The following C15orf40 variants were observed in gnomAD, a reference collection of about 807,000 sequenced individuals.
C15orf40 encodes the protein UPF0235 protein C15orf40.
In C15orf40, 9 loss-of-function variants were observed where a neutral mutation model predicts 13.9. That is an observed-to-expected ratio of 0.65 (90% CI 0.39 to 1.13). The LOEUF is 1.13. C15orf40 is among the 50% of genes most tolerant of loss of function. The pLI is 0.01. For missense variants in C15orf40, 225 were observed against 188.5 expected, an observed-to-expected ratio of 1.19 and a Z score of -1.13; for synonymous variants, 95 against 69.2, an observed-to-expected ratio of 1.37 and a Z score of -1.85.
chr15:83,008,819 C>G (rs2031843235), intron 2 of C15orf40, 144 bp from the exon 3 acceptor site: 2 of 922,240 alleles, frequency 2.2e-6, no homozygotes, highest in Non-Finnish European at 3.2e-6. Context: ...AATGATTAAA[C>G]TAATCACATT....
chr15:83,001,221 T>C lies in C15orf40; in HGVS notation c.*4376A>G, dbSNP rs773406535. On this transcript the variant is annotated 3_prime_UTR_variant, in exon 4 of 4. Transcript: ENST00000304177. ...ACAGAAATCAGAAGTCTGAAATCTC[T>C]GCTCCTGCCTCCAGGGCATAATGAG... 45 of 985,372 alleles carry C rather than the reference T, an allele frequency of 4.6e-5. No homozygotes were observed. Among genetic ancestry groups the C allele is most frequent in the Non-Finnish European group, 5.3e-5 (44 of 829,960 alleles). 61.0% of individuals were successfully genotyped at this position (985,372 alleles called of 1,614,324 possible).
At position 83,001,206 on chromosome 15, in the gene C15orf40, G is replaced by C. The variant is rs2031402372; in HGVS notation, c.*4391C>G. On this transcript the variant is annotated 3_prime_UTR_variant, in exon 4 of 4. Coordinates refer to ENST00000304177, the MANE Select transcript of C15orf40 (RefSeq NM_144597.3). ...AGTGTGGAATGGCTCACAGAAATCA[G>C]AAGTCTGAAATCTCTGCTCCTGCCT... 5.1e-6 allele frequency: 5 copies of C among 985,458 alleles called. No homozygotes were observed. The highest frequency in any genetic ancestry group is 6.0e-6 in the Non-Finnish European group (5 of 829,952). The allele number at this position is 985,458 out of a possible 1,614,324, so 61.0% of individuals were successfully genotyped here.
At chr15:82,989,880 G>A (rs1295957152), downstream of C15orf40, 2 of 1,612,806 alleles carry the variant, frequency 1.2e-6, no homozygotes, top group African/African-American at 2.7e-5. Context: ...TATTGTTGTA[G>A]GTTGCAAGAC....
At chr15:82,989,572 T>C (rs1021976657), downstream of C15orf40, among the ~76,000 whole-genome samples, 2 of 152,244 alleles carry the variant, frequency 1.3e-5, no homozygotes, top group Non-Finnish European at 2.9e-5. Flanking sequence ...TAATTCAAAA[T>C]AGTCAAAGGA....
At chr15:83,011,358 G>T in intron 1 of C15orf40, 139 bp downstream of exon 1, 1 of 944,738 alleles carries the variant, frequency 1.1e-6, no homozygotes, top group Non-Finnish European at 1.5e-6. Context: ...GGGTGGCGGC[G>T]GCTGTCCTGA....
Position 83,005,646 on chromosome 15 carries a change from G to A in C15orf40, c.413C>T (p.Thr138Ile). 6.2e-7 allele frequency: 1 copy of A among 1,612,532 alleles called. No individual in the cohort carries two copies. The highest frequency in any genetic ancestry group is 8.5e-7 in the Non-Finnish European group (1 of 1,179,390). Residue 138 changes from threonine to isoleucine, a missense_variant, in exon 4 of 4, where the codon ACT becomes ATT. Coordinates refer to ENST00000304177, the MANE Select transcript of C15orf40 (RefSeq NM_144597.3). ...TAATTTCTCCAAGATCTCTTCTGGA[G>A]TTGTAGAAGCCAAAAGCTTCACCAC... ...EKVVKLLASTTPEEILEKLKK... is the reference protein window; with the variant it reads ...EKVVKLLASTIPEEILEKLKK...
chr15:83,006,269 A>T, intron 3 of C15orf40: 1 of 642,552 alleles, frequency 1.6e-6, no homozygotes, highest in Non-Finnish European at 1.9e-6. Context: ...TTCTAGTCTC[A>T]AGCAATTAAG....
chr15:83,000,392 C>G lies in C15orf40; in HGVS notation c.*5205G>C, dbSNP rs998811699. 1.3e-5 allele frequency: 2 copies of G among 152,284 alleles called. No homozygotes were observed. Among genetic ancestry groups the G allele is most frequent in the African/African-American group, 4.8e-5 (2 of 41,422 alleles). 9.4% of individuals were successfully genotyped at this position (152,284 alleles called of 1,614,324 possible). On this transcript the variant is annotated 3_prime_UTR_variant, in exon 4 of 4. Coordinates refer to ENST00000304177, the MANE Select transcript of C15orf40 (RefSeq NM_144597.3). ...ACTCCACCATGGCAATGGGCTGAGA[C>G]TCTCACGAACCCAGCTGGCCCCAAG...
rs921806753 is a variant in C15orf40, at chr15:83,005,531, A to C, written c.*66T>G. The stretch of plus-strand genomic sequence containing the variant: ...ACTCCTGACCTCAGGTGATCCGCCC[A>C]CCACGGCCTCCCAAAGTGCTGGGAT... On this transcript the variant is annotated 3_prime_UTR_variant, in exon 4 of 4. Coordinates refer to ENST00000304177, the MANE Select transcript of C15orf40 (RefSeq NM_144597.3). The C allele has an allele frequency of 5.9e-5, 83 of 1,405,986 alleles. No homozygotes were observed. The highest frequency in any genetic ancestry group is 7.5e-5 in the Non-Finnish European group (78 of 1,041,250). 87.1% of individuals were successfully genotyped at this position (1,405,986 alleles called of 1,614,324 possible). A position where few individuals can be genotyped will look rare whatever the true frequency, so the allele number is the denominator to read the frequency against.
At chr15:83,010,179 G>C in intron 2 of C15orf40, 58 bp downstream of exon 2, 1 of 1,598,804 alleles carries the variant, frequency 6.3e-7, no homozygotes, top group Non-Finnish European at 8.5e-7. Context: ...CAAAGCAAAG[G>C]AGGGCTGTAG....
In C15orf40 at chr15:83,005,093, G is replaced by A; in HGVS notation, c.*504C>T. ...ATGAAATCAGAGTAACATGTTCCAG[G>A]CTGTTTGGGGTTTGGGATTTTAGAA... On this transcript the variant is annotated 3_prime_UTR_variant, in exon 4 of 4. Transcript: ENST00000304177. 5.2e-6 allele frequency: 6 copies of A among 1,146,540 alleles called. No homozygotes were observed. Among genetic ancestry groups the A allele is most frequent in the Non-Finnish European group, 6.6e-6 (6 of 908,882 alleles). The allele number at this position is 1,146,540 out of a possible 1,614,324, so 71.0% of individuals were successfully genotyped here. A position where few individuals can be genotyped will look rare whatever the true frequency, so the allele number is the denominator to read the frequency against.
At position 83,010,107 on chromosome 15, in the gene C15orf40, T is replaced by C. The variant is rs1596413138; in HGVS notation, c.238+130A>G. On this transcript the variant is annotated intron_variant, in intron 2 of 3. Coordinates refer to ENST00000304177, the MANE Select transcript of C15orf40 (RefSeq NM_144597.3). Reference sequence around the variant, plus strand: ...TACATTAGAATCTAGAATTTTAAAATGGAGAAGCCTCTAACTGCAGATGTG... The same window carrying C: ...TACATTAGAATCTAGAATTTTAAAACGGAGAAGCCTCTAACTGCAGATGTG... 4.0e-6 allele frequency: 5 copies of C among 1,256,432 alleles called. No individual in the cohort carries two copies. The East Asian group carries it at 7.1e-5, about 18-fold the overall frequency. The allele number at this position is 1,256,432 out of a possible 1,614,324, so 77.8% of individuals were successfully genotyped here.
At chr15:83,006,290 A>C (rs1180117314) in intron 3 of C15orf40, 1 of 779,260 alleles carries the variant, frequency 1.3e-6, no homozygotes, top group East Asian at 1.3e-4. Flanking sequence ...TTAAAAATGA[A>C]AATCATCTTT....
At position 83,008,576 on chromosome 15, in the gene C15orf40, A is replaced by G; in HGVS notation, c.338T>C (p.Leu113Pro). ...LCRYLSKVLE[L>P]RKSDVVLDKG... ...ATCCAAAACCACATCACTCTTCCTGAGTTCTAGGACCTTGGAAAGATACCG... is the reference window on the plus strand; with the variant it reads ...ATCCAAAACCACATCACTCTTCCTGGGTTCTAGGACCTTGGAAAGATACCG... Residue 113 changes from leucine (L) to proline (P), a missense_variant, in exon 3 of 4, where the codon CTC becomes CCC. Physicochemically the swap from Leu to Pro is moderately conservative, Grantham distance 98. Coordinates refer to ENST00000304177, the MANE Select transcript of C15orf40 (RefSeq NM_144597.3). The G allele has an allele frequency of 6.2e-7, 1 of 1,613,718 alleles. No individual in the cohort carries two copies. The highest frequency in any genetic ancestry group is 1.1e-5 in the South Asian group (1 of 91,054).
At position 83,003,830 on chromosome 15, in the gene C15orf40, T is replaced by G. The variant is rs1361357548; in HGVS notation, c.*1767A>C. On this transcript the variant is annotated 3_prime_UTR_variant, in exon 4 of 4. Transcript: ENST00000304177. ...TGGCACCGTGTGGGCTCACTGCAAC[T>G]TCCGTCTCCTGGGTTCAAGCAATTC... The G allele has an allele frequency of 6.6e-6, 1 of 152,046 alleles. No homozygotes were observed. Among genetic ancestry groups the G allele is most frequent in the African/African-American group, 2.4e-5 (1 of 41,372 alleles). The allele number at this position is 152,046 out of a possible 1,614,324, so 9.4% of individuals were successfully genotyped here. A position where few individuals can be genotyped will look rare whatever the true frequency, so the allele number is the denominator to read the frequency against.
At position 83,004,955 on chromosome 15, in the gene C15orf40, GAGTA is replaced by G. The variant is rs1300259047; in HGVS notation, c.*638_*641del. Reference sequence around the variant, plus strand: ...TTGCCAGCTTGCATGGTACAATCTTGAGTAAGTCTCTCAACTTCTGGATATAGGA... The same window carrying G: ...TTGCCAGCTTGCATGGTACAATCTTGAGTCTCTCAACTTCTGGATATAGGA... On this transcript the variant is annotated 3_prime_UTR_variant, in exon 4 of 4. Transcript: ENST00000304177. The G allele has an allele frequency of 3.1e-6, 4 of 1,288,390 alleles. No homozygotes were observed. The highest frequency in any genetic ancestry group is 4.1e-6 in the Non-Finnish European group (4 of 974,616). The allele number at this position is 1,288,390 out of a possible 1,614,324, so 79.8% of individuals were successfully genotyped here.
At chr15:82,989,187 C>T (rs914864920), downstream of C15orf40, 72 of 1,611,880 alleles carry the variant, frequency 4.5e-5, no homozygotes, top group Middle Eastern at 1.6e-4. Context: ...CAGAGGCAAT[C>T]GGTGTGTATT....
At chr15:82,989,514 G>A (rs906083068), downstream of C15orf40, among the ~76,000 whole-genome samples, 31 of 152,020 alleles carry the variant, frequency 2.0e-4, no homozygotes, top group African/African-American at 3.6e-4. Context: ...ACATTGTTTC[G>A]ATTTTACTTT....
At chr15:83,007,123 G>A (rs1347476278) in intron 3 of C15orf40, among the ~76,000 whole-genome samples, 1 of 152,122 alleles carries the variant, frequency 6.6e-6, no homozygotes, top group Non-Finnish European at 1.5e-5. Context: ...GATACCCAGG[G>A]ATCTGTATTT....
Sources: allele counts gnomAD v4.1 joint callset (sites outside exome capture counted in the v4.1 genomes callset), GRCh38; gene constraint gnomAD v4.1.1; transcripts MANE v1.5; gene names NCBI Gene and HGNC (gene_info 2026-07-23, HGNC 2026-07-21).